Variants in VIT observed in about 807,000 individuals in gnomAD.
VIT encodes vitrin.
A neutral mutation model predicts 78.0 loss-of-function variants in VIT; 99 were observed. The observed-to-expected ratio is 1.27, with a 90% CI of 1.08 to 1.50. The LOEUF is 1.50. Among genes scored for constraint, VIT ranks in the 40% most tolerant of loss-of-function variants. The pLI is 0.00. For missense variants in VIT, 1,126 were observed against 875.3 expected, an observed-to-expected ratio of 1.29 and a Z score of -3.61; for synonymous variants, 374 against 334.3, an observed-to-expected ratio of 1.12 and a Z score of -1.29.
At chr2:36,751,564 GA>G (rs1418568362) in intron 4 of VIT, among the ~76,000 whole-genome samples, 1 of 152,186 alleles carries the variant, frequency 6.6e-6, no homozygotes, top group Non-Finnish European at 1.5e-5. Context: ...TTACAGTAGT[GA>G]AAGTTGGGAA....
intron 10 of VIT, among the ~76,000 whole-genome samples, chr2:36,782,667 G>C (rs1459636885): frequency 6.6e-6 from 1 of 152,154 alleles, no homozygotes; most frequent in African/African-American, 2.4e-5. Context: ...GTATATTTAT[G>C]AACTTGGCTC....
intron 4 of VIT, among the ~76,000 whole-genome samples, chr2:36,744,670 T>G (rs1668030471): frequency 6.6e-6 from 1 of 152,202 alleles, no homozygotes; most frequent in Non-Finnish European, 1.5e-5. Context: ...TTAACGTGGT[T>G]GTTTTTTGAT....
intron 7 of VIT, among the ~76,000 whole-genome samples, chr2:36,772,501 C>G (rs987328131): frequency 1.3e-5 from 2 of 151,990 alleles, no homozygotes; most frequent in Non-Finnish European, 2.9e-5. Context: ...TGCCATTGCA[C>G]TCCAGCCTGG....
chr2:36,697,073 G>A (rs567080475), intron 1 of VIT, 100 bp downstream of exon 1: 5 of 143,398 alleles, frequency 3.5e-5, no homozygotes, highest in Admixed American at 6.8e-5. Flanking sequence ...AAGCTTGACC[G>A]AGTAAGCAAA....
chr2:36,745,075 T>C (rs1668057459), intron 4 of VIT, among the ~76,000 whole-genome samples: 1 of 152,152 alleles, frequency 6.6e-6, no homozygotes, highest in Non-Finnish European at 1.5e-5. Flanking sequence ...GAATAGGGAA[T>C]CCTTTCCCTA....
chr2:36,720,869 G>C (rs1468536072), intron 2 of VIT, among the ~76,000 whole-genome samples: 1 of 152,148 alleles, frequency 6.6e-6, no homozygotes, highest in Non-Finnish European at 1.5e-5. Flanking sequence ...AATTAGCCAG[G>C]TATGGTAGCG....
intron 7 of VIT, 83 bp downstream of exon 7, chr2:36,767,368 A>G: frequency 4.4e-6 from 6 of 1,351,410 alleles, no homozygotes; most frequent in Non-Finnish European, 5.8e-6. Context: ...CTGAGCATCT[A>G]CTGGGCTGGG....
intron 6 of VIT, among the ~76,000 whole-genome samples, chr2:36,766,367 A>T (rs1367627051): frequency 2.1e-5 from 1 of 48,408 alleles, no homozygotes; most frequent in Non-Finnish European, 8.5e-5. Flanking sequence ...TTTCTCTACA[A>T]AAAAAAAATT....
At chr2:36,707,902 A>G (rs1197697610) in intron 1 of VIT, among the ~76,000 whole-genome samples, 1 of 151,014 alleles carries the variant, frequency 6.6e-6, no homozygotes, top group African/African-American at 2.4e-5. Flanking sequence ...TGGGAAGAGA[A>G]GAAAAATCAA....
chr2:36,773,864 CCT>C lies in VIT; in HGVS notation c.736+18_736+19del, dbSNP rs1669903333. On this transcript the variant is annotated intron_variant, in intron 8 of 15. Coordinates refer to ENST00000379242, the MANE Select transcript of VIT (RefSeq NM_053276.4). The stretch of plus-strand genomic sequence containing the variant: ...CTGATCCAGGTAAGACCTTAAACTC[CCT>C]TTCCAGCCACTGATGAAAGTTAAGC... The C allele has an allele frequency of 3.2e-6, 5 of 1,578,540 alleles. No homozygotes were observed. Among genetic ancestry groups the C allele is most frequent in the Non-Finnish European group, 3.4e-6 (4 of 1,161,022 alleles).
At position 36,754,901 on chromosome 2, in the gene VIT, A is replaced by G; in HGVS notation, c.276-20A>G. On this transcript the variant is annotated intron_variant, in intron 4 of 15. Transcript: ENST00000379242. Reference sequence around the variant, plus strand: ...AAATATTTCTGTTCTTTCCTGAAAAATTATTTTTTCTCTTCATAGTGGTGT... The same window carrying G: ...AAATATTTCTGTTCTTTCCTGAAAAGTTATTTTTTCTCTTCATAGTGGTGT... The G allele has an allele frequency of 1.2e-6, 2 of 1,600,682 alleles. No individual in the cohort carries two copies. Among genetic ancestry groups the G allele is most frequent in the South Asian group, 1.1e-5 (1 of 88,406 alleles).
chr2:36,814,491 T>C lies in VIT; in HGVS notation c.*130T>C, dbSNP rs1667425549. The C allele has an allele frequency of 1.7e-6, 2 of 1,143,938 alleles. No individual in the cohort carries two copies. The highest frequency in any genetic ancestry group is 1.6e-5 in the African/African-American group (1 of 64,220). 70.9% of individuals were successfully genotyped at this position (1,143,938 alleles called of 1,614,324 possible). ...GCATGGAGAAACAAATGTCTTGTTA[T>C]TATTCTTTGCCATCATGCTTTTTCA... On this transcript the variant is annotated 3_prime_UTR_variant, in exon 16 of 16. Transcript: ENST00000379242.
chr2:36,725,286 A>C (rs1666761434), intron 2 of VIT, among the ~76,000 whole-genome samples: 1 of 152,186 alleles, frequency 6.6e-6, no homozygotes, highest in Non-Finnish European at 1.5e-5. Context: ...CTGCTATACA[A>C]AACTGCTATA....
intron 2 of VIT, among the ~76,000 whole-genome samples, chr2:36,723,618 T>C (rs981054814): frequency 2.0e-5 from 3 of 152,218 alleles, no homozygotes; most frequent in African/African-American, 7.2e-5. Context: ...CAATAAATTT[T>C]AAAAATCAAT....
At chr2:36,759,727 A>T in intron 6 of VIT, 2 of 928,152 alleles carry the variant, frequency 2.2e-6, no homozygotes, top group Non-Finnish European at 2.6e-6. Flanking sequence ...CTAATACATT[A>T]TGAGCCTGAT....
At position 36,808,495 on chromosome 2, in the gene VIT, C is replaced by T. The variant is rs751042732; in HGVS notation, c.1413C>T (p.Phe471=). 3.3e-5 allele frequency: 53 copies of T among 1,611,026 alleles called. No homozygotes were observed. Among genetic ancestry groups the T allele is most frequent in the South Asian group, 8.8e-5 (8 of 91,028 alleles). Residue 471 remains phenylalanine, a synonymous_variant, in exon 15 of 16, where the codon TTC becomes TTT. Transcript: ENST00000379242. ...AGGCCGTGTGCAGAACAAACGGCTTCTACTCGCTCCACGTGCAGAGCTGGT... is the reference window on the plus strand; with the variant it reads ...AGGCCGTGTGCAGAACAAACGGCTTTTACTCGCTCCACGTGCAGAGCTGGT... ...ANKAVCRTNG[F]YSLHVQSWFG...
intron 4 of VIT, among the ~76,000 whole-genome samples, chr2:36,743,604 GT>G (rs1382422760): frequency 2.0e-5 from 3 of 152,074 alleles, no homozygotes; most frequent in Non-Finnish European, 2.9e-5. Flanking sequence ...CAAAGATGTG[GT>G]TATAATGTGC....
chr2:36,790,166 C>T (rs1665387579), intron 12 of VIT, among the ~76,000 whole-genome samples: 2 of 152,206 alleles, frequency 1.3e-5, no homozygotes, highest in Admixed American at 6.5e-5. Flanking sequence ...CTTGACTCCT[C>T]AATCTCCTAC....
At chr2:36,750,403 A>G (rs1182076232) in intron 4 of VIT, among the ~76,000 whole-genome samples, 2 of 152,110 alleles carry the variant, frequency 1.3e-5, no homozygotes, top group South Asian at 2.1e-4. Context: ...ATTTTTTTCA[A>G]TTTTGATCCT....
Sources: allele counts gnomAD v4.1 joint callset (sites outside exome capture counted in the v4.1 genomes callset), GRCh38; gene constraint gnomAD v4.1.1; transcripts MANE v1.5; gene names NCBI Gene and HGNC (gene_info 2026-07-23, HGNC 2026-07-21).